The following CERS3 variants were observed in gnomAD, a reference collection of about 807,000 sequenced individuals.
The protein encoded by CERS3 is LAG1 homolog, ceramide synthase 3.
In CERS3, 33 loss-of-function variants were observed where a neutral mutation model predicts 50.3. That is an observed-to-expected ratio of 0.66 (90% CI 0.50 to 0.88). The LOEUF (loss-of-function observed/expected upper bound fraction) is 0.88, where lower values mean the gene tolerates loss of function less well. CERS3 is among the 40% of genes least tolerant of loss of function. CERS3 has a pLI of 0.00. For synonymous variants in CERS3, 176 were observed against 155.2 expected, an observed-to-expected ratio of 1.13 and a Z score of -0.99; for missense variants, 470 against 460.3, an observed-to-expected ratio of 1.02 and a Z score of -0.19.
intron 2 of CERS3, among the ~76,000 whole-genome samples, chr15:100,512,300 A>G (rs1240611887): frequency 6.6e-6 from 1 of 152,186 alleles, no homozygotes; most frequent in Admixed American, 6.5e-5. Flanking sequence ...GAAGAGGGTC[A>G]TGTAGCAACA....
At chr15:100,463,323 A>C (rs1009994722) in intron 10 of CERS3, among the ~76,000 whole-genome samples, 1 of 151,556 alleles carries the variant, frequency 6.6e-6, no homozygotes, top group Non-Finnish European at 1.5e-5. Context: ...TAGTCCCAGC[A>C]ACTCAGGAGG....
intron 11 of CERS3, among the ~76,000 whole-genome samples, chr15:100,427,390 G>A (rs1177273090): frequency 6.6e-6 from 1 of 152,202 alleles, no homozygotes; most frequent in Non-Finnish European, 1.5e-5. Flanking sequence ...CCCATATTAA[G>A]TGGAAATGAA....
At chr15:100,453,757 T>C (rs966356870) in intron 11 of CERS3, among the ~76,000 whole-genome samples, 1 of 151,988 alleles carries the variant, frequency 6.6e-6, no homozygotes, top group East Asian at 1.9e-4. Flanking sequence ...ACCTAAAGAC[T>C]TCACCAAAAA....
chr15:100,456,945 A>G (rs1843982125), intron 10 of CERS3, among the ~76,000 whole-genome samples: 2 of 6,244 alleles, frequency 3.2e-4, no homozygotes, highest in Non-Finnish European at 2.3e-3. Flanking sequence ...AGATTCCGTG[A>G]AAAAAAAAAA....
At chr15:100,424,258 A>C (rs1050100865) in intron 11 of CERS3, among the ~76,000 whole-genome samples, 2 of 152,172 alleles carry the variant, frequency 1.3e-5, no homozygotes, top group South Asian at 2.1e-4. Context: ...TCTTTACAGC[A>C]GTGCCAGAAC....
chr15:100,503,605 G>A, intron 2 of CERS3: 3 of 439,968 alleles, frequency 6.8e-6, no homozygotes, highest in African/African-American at 2.0e-5. Context: ...ATTAGAGGAA[G>A]GTATTCTCTC....
chr15:100,417,009 C>T (rs2031964554), intron 11 of CERS3, among the ~76,000 whole-genome samples: 1 of 152,140 alleles, frequency 6.6e-6, no homozygotes. Context: ...AAATGCAAAT[C>T]AAAACTGCCA....
intron 11 of CERS3, among the ~76,000 whole-genome samples, chr15:100,435,102 C>T (rs2033337125): frequency 6.6e-6 from 1 of 152,216 alleles, no homozygotes; most frequent in Non-Finnish European, 1.5e-5. Context: ...CAGCTCTCAT[C>T]TTAAGCCCTT....
At chr15:100,462,472 T>C (rs1161912132) in intron 10 of CERS3, among the ~76,000 whole-genome samples, 1 of 152,252 alleles carries the variant, frequency 6.6e-6, no homozygotes, top group Non-Finnish European at 1.5e-5. Context: ...GGATAGCAAA[T>C]ACTTGTTCTA....
intron 2 of CERS3, among the ~76,000 whole-genome samples, 153 bp downstream of exon 2, chr15:100,521,514 T>A (rs1263625124): frequency 1.3e-5 from 2 of 152,154 alleles, no homozygotes; most frequent in Admixed American, 1.3e-4. Context: ...TCATAAAGAA[T>A]AGCATGGTAC....
chr15:100,402,634 G>T lies in CERS3; in HGVS notation c.*79C>A, dbSNP rs145447939. 118 of 1,397,154 alleles carry T rather than the reference G, an allele frequency of 8.4e-5. No homozygotes were observed. The African/African-American group carries it at 1.3e-3, about 15-fold the overall frequency. The allele number at this position is 1,397,154 out of a possible 1,614,324, so 86.5% of individuals were successfully genotyped here. A position where few individuals can be genotyped will look rare whatever the true frequency, so the allele number is the denominator to read the frequency against. On this transcript the variant is annotated 3_prime_UTR_variant, in exon 12 of 12. Transcript: ENST00000679737. ...AGAAAGAGGGAAGGGCAGAATGTGGGGTCGGTGTGGGGCCTGGAAGCCAGG... is the reference window on the plus strand; with the variant it reads ...AGAAAGAGGGAAGGGCAGAATGTGGTGTCGGTGTGGGGCCTGGAAGCCAGG...
chr15:100,521,575 A>G (rs954755668), intron 2 of CERS3, 92 bp downstream of exon 2: 1 of 152,234 alleles, frequency 6.6e-6, no homozygotes, highest in African/African-American at 2.4e-5. Flanking sequence ...ACAATGCCAG[A>G]TATCAACTTC....
At chr15:100,540,546 A>AT (rs2142438032) in intron 1 of CERS3, among the ~76,000 whole-genome samples, 1 of 152,326 alleles carries the variant, frequency 6.6e-6, no homozygotes, top group South Asian at 2.1e-4. Context: ...TCTCTCTCAA[A>AT]TAAAAAAAAA....
chr15:100,423,642 A>AG (rs1333388443), intron 11 of CERS3, among the ~76,000 whole-genome samples: 2 of 152,134 alleles, frequency 1.3e-5, no homozygotes, highest in Admixed American at 1.3e-4. Context: ...AAAACTACCT[A>AG]TCAGGTACTA....
chr15:100,542,539 G>A (rs56136149), intron 1 of CERS3, among the ~76,000 whole-genome samples: 6,163 of 152,224 alleles, frequency 0.04, 182 homozygotes, highest in Admixed American at 0.087. Flanking sequence ...TCAAATGCAT[G>A]CCATGCTAAT....
chr15:100,404,411 G>A (rs568953558), intron 11 of CERS3, among the ~76,000 whole-genome samples: 21 of 152,230 alleles, frequency 1.4e-4, no homozygotes, highest in Middle Eastern at 3.4e-3. Context: ...CCATGTATAG[G>A]ATCTGTATGT....
rs571677570 is a variant in CERS3 at position 100,489,433 on chromosome 15, G to A, written c.288+1384C>T. On this transcript the variant is annotated intron_variant, in intron 4 of 11. Transcript: ENST00000679737. Reference sequence around the variant, plus strand: ...CTTTGGCCATTTTTTCTCCATAGCAGAGAAGCTTGGTAAGGACCAAATTTT... The same window carrying A: ...CTTTGGCCATTTTTTCTCCATAGCAAAGAAGCTTGGTAAGGACCAAATTTT... Among the ~76,000 whole-genome samples, 28 of 152,262 alleles carry A rather than the reference G, an allele frequency of 1.8e-4. No individual in the cohort carries two copies. In the South Asian group the frequency reaches 5.6e-3, roughly 30 times the overall value.
chr15:100,413,422 C>T (rs1303741805), intron 11 of CERS3, among the ~76,000 whole-genome samples: 1 of 152,002 alleles, frequency 6.6e-6, no homozygotes, highest in East Asian at 1.9e-4. Context: ...AACTCATATG[C>T]ACCATTAAGA....
At chr15:100,504,093 C>CA (rs1596777105) in intron 2 of CERS3, among the ~76,000 whole-genome samples, 1 of 152,090 alleles carries the variant, frequency 6.6e-6, no homozygotes, top group Non-Finnish European at 1.5e-5. Context: ...GAAAGATCCA[C>CA]ACCAAAACCA....
Sources: allele counts gnomAD v4.1 joint callset (sites outside exome capture counted in the v4.1 genomes callset), GRCh38; gene constraint gnomAD v4.1.1; transcripts MANE v1.5; gene names NCBI Gene and HGNC (gene_info 2026-07-23, HGNC 2026-07-21).